The following DHRSX variants were observed in gnomAD, a reference collection of about 807,000 sequenced individuals.
DHRSX encodes polyprenol dehydrogenase.
In DHRSX, 31 loss-of-function variants were observed where a neutral mutation model predicts 34.0. The observed-to-expected ratio is 0.91, with a 90% confidence interval of 0.69 to 1.23. DHRSX has a LOEUF of 1.23. Ranked by LOEUF, DHRSX falls within the 50% of genes most tolerant of loss-of-function variation. The pLI, the probability that DHRSX is intolerant of heterozygous loss-of-function variation, is 0.00. For missense variants in DHRSX, 414 were observed against 428.1 expected (o/e 0.97, Z 0.29); for synonymous variants, 201 against 183.8 (o/e 1.09, Z -0.76).
At chrX:2,399,313 TA>T (rs2043454718) in intron 3 of DHRSX, among the ~76,000 whole-genome samples, 1 of 151,284 alleles carries the variant, frequency 6.6e-6, no homozygotes, top group African/African-American at 2.4e-5. Context: ...TATGCCTGTC[TA>T]CAGCCTGACT....
At chrX:2,326,814 T>C (rs2042392457) in intron 3 of DHRSX, among the ~76,000 whole-genome samples, 1 of 151,888 alleles carries the variant, frequency 6.6e-6, no homozygotes, top group East Asian at 1.9e-4. Flanking sequence ...TTTTTCTTTT[T>C]TTTTTTTTTC....
intron 1 of DHRSX, among the ~76,000 whole-genome samples, chrX:2,469,150 C>G (rs367898138): frequency 1.3e-3 from 193 of 152,180 alleles, no homozygotes; most frequent in Middle Eastern, 0.01. Flanking sequence ...GGGACCACCA[C>G]CATGTACACA....
rs1488604336 is a variant in DHRSX at position 2,433,875 on chromosome X, C to T, written c.110-8571G>A. On this transcript the variant is annotated intron_variant, in intron 1 of 6. Coordinates refer to ENST00000334651, the MANE Select transcript of DHRSX (RefSeq NM_145177.3). ...ATGCAAGCTCCACCTCCCGGGTTCACGCCGTTCTCTCACCTCAGCCTCCCG... is the reference window on the plus strand; with the variant it reads ...ATGCAAGCTCCACCTCCCGGGTTCATGCCGTTCTCTCACCTCAGCCTCCCG... Among the ~76,000 whole-genome samples, 6 of 152,092 alleles carry T rather than the reference C, an allele frequency of 3.9e-5. 1 individual carries two copies. Among genetic ancestry groups the T allele is most frequent in the Non-Finnish European group, 5.9e-5 (4 of 68,012 alleles).
At chrX:2,310,522 A>G (rs755919687) in intron 3 of DHRSX, among the ~76,000 whole-genome samples, 1 of 149,134 alleles carries the variant, frequency 6.7e-6, no homozygotes, top group South Asian at 2.2e-4. Flanking sequence ...CTGCAGCGAG[A>G]TTATTCTGTG....
chrX:2,272,594 G>A (rs1293372132), intron 4 of DHRSX, among the ~76,000 whole-genome samples: 1 of 152,154 alleles, frequency 6.6e-6, no homozygotes, highest in Non-Finnish European at 1.5e-5. Context: ...GGAATGCTGA[G>A]TCTGGGAGGA....
intron 3 of DHRSX, among the ~76,000 whole-genome samples, chrX:2,401,748 G>C (rs957303965): frequency 1.3e-5 from 2 of 152,128 alleles, no homozygotes; most frequent in African/African-American, 2.4e-5. Context: ...GAGACTATTT[G>C]TTCTAAGTAA....
At chrX:2,292,576 TATAGA>T (rs1472963394) in intron 3 of DHRSX, among the ~76,000 whole-genome samples, 1 of 149,854 alleles carries the variant, frequency 6.7e-6, no homozygotes, top group Non-Finnish European at 1.5e-5. Context: ...AGTAGAGGAA[TATAGA>T]ATATAGAATT....
At chrX:2,270,927 C>CCAATCAGCACTCTGTAAAATGGAG (rs2041543699) in intron 4 of DHRSX, among the ~76,000 whole-genome samples, 1 of 152,070 alleles carries the variant, frequency 6.6e-6, no homozygotes, top group Admixed American at 6.5e-5. Flanking sequence ...GTAAAATGGA[C>CCAATCAGCACTCTGTAAAATGGAG]CAATCAGCAC....
rs973016747 is a variant in DHRSX, at chrX:2,437,008, CT to C, written c.110-11705del. Reference sequence around the variant, plus strand: ...GTATACACTGCCTTGAATCCTTTCTCTTTTTTTGAGACCGAGTCTCGCTCTG... The same window carrying C: ...GTATACACTGCCTTGAATCCTTTCTCTTTTTTGAGACCGAGTCTCGCTCTG... On this transcript the variant is annotated intron_variant, in intron 1 of 6. Coordinates refer to ENST00000334651, the MANE Select transcript of DHRSX (RefSeq NM_145177.3). Among the ~76,000 whole-genome samples, 52 of 151,914 alleles carry C rather than the reference CT, an allele frequency of 3.4e-4. 1 individual carries two copies. The highest frequency in any genetic ancestry group is 6.8e-3 in the Middle Eastern group (2 of 294).
chrX:2,240,727 A>C (rs1227210678), intron 6 of DHRSX, among the ~76,000 whole-genome samples: 1 of 152,136 alleles, frequency 6.6e-6, no homozygotes, highest in Non-Finnish European at 1.5e-5. Flanking sequence ...ACTTTTAAAA[A>C]TGCTAATTAG....
In DHRSX at chrX:2,258,432, T is replaced by C. The variant is rs189462296; in HGVS notation, c.596+8308A>G. Among the ~76,000 whole-genome samples the C allele has an allele frequency of 3.3e-5, 5 of 151,746 alleles. No individual in the cohort carries two copies. The East Asian group carries it at 9.8e-4, about 30-fold the overall frequency. ...TCTGTTGTTTATAATCTACCCAGTC[T>C]ATGGTATTCTGTGATAGCAGCCTGA... On this transcript the variant is annotated intron_variant, in intron 5 of 6. Transcript: ENST00000334651.
At chrX:2,457,882 G>C (rs2044330295) in intron 1 of DHRSX, among the ~76,000 whole-genome samples, 1 of 151,614 alleles carries the variant, frequency 6.6e-6, no homozygotes, top group Non-Finnish European at 1.5e-5. Flanking sequence ...TAAGAAAGCA[G>C]CCAAGAGACG....
At chrX:2,294,093 TAA>T (rs1190535007) in intron 3 of DHRSX, among the ~76,000 whole-genome samples, 52 of 142,584 alleles carry the variant, frequency 3.6e-4, no homozygotes, top group African/African-American at 1.3e-3. Context: ...AAAGAAAGGC[TAA>T]GAGAGAAAGA....
At chrX:2,324,051 T>C (rs1273541304) in intron 3 of DHRSX, among the ~76,000 whole-genome samples, 2 of 85,802 alleles carry the variant, frequency 2.3e-5, no homozygotes, top group East Asian at 4.4e-4. Context: ...ATGGAGACCC[T>C]GTCTGGAAAA....
At chrX:2,318,766 C>T (rs1397613695) in intron 3 of DHRSX, among the ~76,000 whole-genome samples, 1 of 152,122 alleles carries the variant, frequency 6.6e-6, no homozygotes. Flanking sequence ...TGGCAGCCCT[C>T]GGTGCTGCTC....
chrX:2,273,108 G>T (rs1173520198), intron 4 of DHRSX, among the ~76,000 whole-genome samples: 3 of 152,104 alleles, frequency 2.0e-5, no homozygotes, highest in Non-Finnish European at 4.4e-5. Context: ...CCCCAGAATT[G>T]CTTGAACCCA....
At chrX:2,365,798 G>A (rs1030023805) in intron 3 of DHRSX, among the ~76,000 whole-genome samples, 8 of 152,090 alleles carry the variant, frequency 5.3e-5, no homozygotes, top group African/African-American at 1.9e-4. Flanking sequence ...GGCCTGTCGG[G>A]AGGTGGGGGG....
chrX:2,288,896 G>A (rs2041836061), intron 4 of DHRSX, among the ~76,000 whole-genome samples: 1 of 152,160 alleles, frequency 6.6e-6, no homozygotes, highest in Non-Finnish European at 1.5e-5. Context: ...TTTAAAATCT[G>A]TTGAGAAAAG....
rs1401103376 is a variant in DHRSX at position 2,402,730 on chromosome X, ATAG to A, written c.286+6012_286+6014del. On this transcript the variant is annotated intron_variant, in intron 3 of 6. Coordinates refer to ENST00000334651, the MANE Select transcript of DHRSX (RefSeq NM_145177.3). ...TTAAAAAAAAAAATTGCATGCACAC[ATAG>A]TAGGTGTATATATTTATGGGATAAT... is the stretch of plus-strand genomic sequence containing the variant. Among the ~76,000 whole-genome samples, 6 of 152,236 alleles carry A rather than the reference ATAG, an allele frequency of 3.9e-5. No homozygotes were observed. The East Asian group carries it at 1.2e-3, about 29-fold the overall frequency.
Sources: allele counts gnomAD v4.1 joint callset (sites outside exome capture counted in the v4.1 genomes callset), GRCh38; gene constraint gnomAD v4.1.1; transcripts MANE v1.5; gene names NCBI Gene and HGNC (gene_info 2026-07-23, HGNC 2026-07-21).